TENM3: variants seen among roughly 807,000 people sequenced by gnomAD.
TENM3 encodes teneurin-3.
In TENM3, 63 loss-of-function variants were observed where a neutral mutation model predicts 255.1. That is an observed-to-expected ratio of 0.25 (90% CI 0.20 to 0.30). TENM3 has a LOEUF of 0.30. Ranked by LOEUF, TENM3 falls within the 10% of genes least tolerant of loss-of-function variation. TENM3 has a pLI of 1.00. For synonymous variants in TENM3, 1,306 were observed against 1,322.3 expected, an observed-to-expected ratio of 0.99 and a Z score of 0.27; for missense variants, 2,929 against 3,461.1, an observed-to-expected ratio of 0.85 and a Z score of 3.86.
At chr4:181,682,423 T>G in the TENM3 span, among the ~76,000 whole-genome samples, 1 of 152,168 alleles carries the variant, frequency 6.6e-6, no homozygotes, top group East Asian at 1.9e-4. Context: ...AAGCAGTTGT[T>G]TCACCAGATT....
intron 24 of TENM3, among the ~76,000 whole-genome samples, chr4:182,787,161 A>G (rs1327981122): frequency 2.6e-5 from 4 of 152,282 alleles, no homozygotes; most frequent in Non-Finnish European, 5.9e-5. Flanking sequence ...TGATATGCAG[A>G]CAGTTCCGCA....
the TENM3 span, among the ~76,000 whole-genome samples, chr4:182,105,355 CAA>C: frequency 0.024 from 3,686 of 152,248 alleles, 134 homozygotes; most frequent in East Asian, 0.17. Context: ...GGGCTTAATG[CAA>C]AGAGTTTGAG....
chr4:182,550,224 G>A (rs1027597468), intron 3 of TENM3, among the ~76,000 whole-genome samples: 4 of 152,176 alleles, frequency 2.6e-5, no homozygotes, highest in African/African-American at 9.7e-5. Context: ...GTAGTCATAT[G>A]TATGTATGTA....
the TENM3 span, among the ~76,000 whole-genome samples, chr4:182,075,444 C>T: frequency 0.34 from 51,540 of 151,810 alleles, 9,207 homozygotes; most frequent in African/African-American, 0.45. Context: ...GTGATCCACC[C>T]GCCTTGGCCT....
At chr4:182,075,729 G>T in the TENM3 span, among the ~76,000 whole-genome samples, 41 of 152,180 alleles carry the variant, frequency 2.7e-4, no homozygotes, top group Admixed American at 9.2e-4. Context: ...TGGCCTTCTT[G>T]GTGAATTTCA....
rs145726003 is a variant in TENM3 at position 182,600,244 on chromosome 4, G to A, written c.512-680G>A. 2.0e-3 allele frequency among the ~76,000 whole-genome samples: 307 copies of A among 152,262 alleles called. 2 individuals are homozygous for A. Among genetic ancestry groups the A allele is most frequent in the African/African-American group, 6.7e-3 (280 of 41,552 alleles). ...GTTCTGTGTGTGTTCTAATGGATGTGACGGTCATTAAGTATATGAGTCTTC... is the reference window on the plus strand; with the variant it reads ...GTTCTGTGTGTGTTCTAATGGATGTAACGGTCATTAAGTATATGAGTCTTC... On this transcript the variant is annotated intron_variant, in intron 3 of 27. Transcript: ENST00000511685.
intron 4 of TENM3, among the ~76,000 whole-genome samples, chr4:182,609,476 G>A (rs1372029837): frequency 1.3e-5 from 2 of 152,130 alleles, no homozygotes; most frequent in Non-Finnish European, 2.9e-5. Context: ...TATACCATAA[G>A]ATTAAATTCT....
the TENM3 span, among the ~76,000 whole-genome samples, chr4:182,132,056 TG>T: frequency 3.3e-5 from 5 of 152,316 alleles, no homozygotes; most frequent in Admixed American, 6.5e-5. Flanking sequence ...CCTGAATAGA[TG>T]AATAATGGAG....
At chr4:182,387,884 A>G (rs369504149) in intron 3 of TENM3, among the ~76,000 whole-genome samples, 160 of 151,902 alleles carry the variant, frequency 1.1e-3, no homozygotes, top group African/African-American at 3.6e-3. Flanking sequence ...TGAGACCAAG[A>G]ACCCACCAAT....
At chr4:181,987,095 A>C in the TENM3 span, among the ~76,000 whole-genome samples, 7 of 152,200 alleles carry the variant, frequency 4.6e-5, no homozygotes, top group East Asian at 1.2e-3. Flanking sequence ...CCAAACTGTG[A>C]CCTGAACCTG....
At chr4:181,746,440 G>C in the TENM3 span, among the ~76,000 whole-genome samples, 11 of 152,184 alleles carry the variant, frequency 7.2e-5, no homozygotes, top group Admixed American at 3.3e-4. Context: ...CGAATGGCCT[G>C]GGGGGTCTGC....
intron 3 of TENM3, among the ~76,000 whole-genome samples, chr4:182,353,684 C>A (rs1044934398): frequency 6.6e-6 from 1 of 152,154 alleles, no homozygotes; most frequent in Non-Finnish European, 1.5e-5. Context: ...TATGATTTAA[C>A]TGGCTGGGCG....
chr4:181,682,998 G>A, the TENM3 span, among the ~76,000 whole-genome samples: 3 of 151,660 alleles, frequency 2.0e-5, no homozygotes, highest in Non-Finnish European at 1.5e-5. Flanking sequence ...ATGATCACTT[G>A]AGACCAGCCT....
intron 3 of TENM3, among the ~76,000 whole-genome samples, chr4:182,462,842 G>A (rs183498055): frequency 8.4e-4 from 128 of 151,762 alleles, no homozygotes; most frequent in African/African-American, 2.4e-3. Context: ...AGCTGAGACC[G>A]CACCACCGCA....
At chr4:181,511,721 T>A in the TENM3 span, among the ~76,000 whole-genome samples, 2 of 152,144 alleles carry the variant, frequency 1.3e-5, no homozygotes, top group Non-Finnish European at 2.9e-5. Context: ...CAAGACATTT[T>A]CAGAAGAACT....
chr4:181,904,176 C>T, the TENM3 span, among the ~76,000 whole-genome samples: 3 of 152,112 alleles, frequency 2.0e-5, no homozygotes, highest in South Asian at 2.1e-4. Context: ...CACGATCTGA[C>T]TGTTTCACAT....
the TENM3 span, among the ~76,000 whole-genome samples, chr4:181,657,405 A>T: frequency 5.9e-5 from 9 of 152,212 alleles, no homozygotes; most frequent in Non-Finnish European, 7.3e-5. Context: ...TGGCCAAAAA[A>T]CGTAAGAAAA....
At chr4:181,605,584 G>GA in the TENM3 span, among the ~76,000 whole-genome samples, 307 of 68,994 alleles carry the variant, frequency 4.4e-3, 31 homozygotes, top group Non-Finnish European at 6.4e-3. Flanking sequence ...GAGAAAGAAA[G>GA]GAAAGAAAGA....
At chr4:182,699,493 G>A (rs1244878912) in intron 12 of TENM3, among the ~76,000 whole-genome samples, 4 of 152,070 alleles carry the variant, frequency 2.6e-5, no homozygotes, top group Non-Finnish European at 2.9e-5. Context: ...GTGTCTTAGG[G>A]AAACAATTTA....
Sources: allele counts gnomAD v4.1 joint callset (sites outside exome capture counted in the v4.1 genomes callset), GRCh38; gene constraint gnomAD v4.1.1; transcripts MANE v1.5; gene names NCBI Gene and HGNC (gene_info 2026-07-23, HGNC 2026-07-21).